Variants in CLCNKB observed in about 807,000 individuals in gnomAD.
CLCNKB encodes the protein chloride channel protein ClC-Kb.
Under a neutral mutation model 83.8 loss-of-function variants are expected in CLCNKB, and 74 were observed. That is an observed-to-expected ratio of 0.88 (90% confidence interval 0.73 to 1.07). The LOEUF is 1.07. Among genes scored for constraint, CLCNKB ranks in the 50% least tolerant of loss-of-function variants. The pLI, the probability that CLCNKB is intolerant of heterozygous loss-of-function variation, is 0.00. For synonymous variants in CLCNKB, 358 were observed against 356.6 expected (o/e 1.00, Z -0.04); for missense variants, 798 against 893.6 (o/e 0.89, Z 1.36).
At position 16,055,707 on chromosome 1, in the gene CLCNKB, C is replaced by T. The variant is rs1215637488; in HGVS notation, c.1878C>T (p.Cys626=). 1.2e-6 allele frequency: 2 copies of T among 1,613,732 alleles called. No homozygotes were observed. Among genetic ancestry groups the T allele is most frequent in the Non-Finnish European group, 1.7e-6 (2 of 1,180,022 alleles). Residue 626 remains cysteine, a synonymous_variant, in exon 18 of 20, where the codon TGC becomes TGT. Transcript: ENST00000375679. ...QCLQDILAAG[C]PTEPVTLKLS... Reference sequence around the variant, plus strand: ...TCCAGGACATCTTGGCTGCAGGCTGCCCCACAGAACCAGTGACCCTGAAGC... The same window carrying T: ...TCCAGGACATCTTGGCTGCAGGCTGTCCCACAGAACCAGTGACCCTGAAGC...
rs770999043 is a variant in CLCNKB at position 16,046,620 on chromosome 1, T to C, written c.315T>C (p.Ser105=). ...CTGTGTACCCTGTGGCCCTCGTCTCTTTCTCTTCAGGCTTCTCTCAGAGCA... is the reference window on the plus strand; with the variant it reads ...CTGTGTACCCTGTGGCCCTCGTCTCCTTCTCTTCAGGCTTCTCTCAGAGCA... ...SWTVYPVALV[S]FSSGFSQSIT... The change falls in exon 4 of 20, where the codon TCT becomes TCC. Residue 105 remains serine (S), a synonymous_variant. Coordinates refer to ENST00000375679, the MANE Select transcript of CLCNKB (RefSeq NM_000085.5). 13 of 1,614,168 alleles carry C rather than the reference T, an allele frequency of 8.1e-6. 1 individual carries two copies. The South Asian group carries it at 1.4e-4, about 18-fold the overall frequency.
At position 16,044,296 on chromosome 1, in the gene CLCNKB, C is replaced by G. The variant is rs9442225; in HGVS notation, c.-7-190C>G. Among the ~76,000 whole-genome samples, 23,206 of 151,836 alleles carry G rather than the reference C, an allele frequency of 0.15. 1,969 individuals are homozygous for G. The highest frequency in any genetic ancestry group is 0.28 in the East Asian group (1,455 of 5,136). Reference sequence around the variant, plus strand: ...ACACAATGACACACACAGGCACACACCCTCAGTGACGGAAACTCAGGGATG... The same window carrying G: ...ACACAATGACACACACAGGCACACAGCCTCAGTGACGGAAACTCAGGGATG... On this transcript the variant is annotated intron_variant, in intron 1 of 19. Coordinates refer to ENST00000375679, the MANE Select transcript of CLCNKB (RefSeq NM_000085.5).
At chr1:16,048,942 G>A in intron 7 of CLCNKB, 178 bp from the exon 8 acceptor site, 1 of 1,486,804 alleles carries the variant, frequency 6.7e-7, no homozygotes, top group Non-Finnish European at 8.9e-7. Flanking sequence ...ACGGGTCTCT[G>A]GGCAGCGGGC....
chr1:16,049,875 C>G lies in CLCNKB; in HGVS notation c.927C>G (p.Phe309Leu). ...YLFCQRIFFG[F>L]IRNNRFSSKL... Reference sequence around the variant, plus strand: ...TCTGTCAGCGAATCTTCTTTGGCTTCATCAGGAACAATAGGTTCAGCTCCA... The same window carrying G: ...TCTGTCAGCGAATCTTCTTTGGCTTGATCAGGAACAATAGGTTCAGCTCCA... Residue 309 changes from phenylalanine (F) to leucine (L), a missense_variant, in exon 10 of 20, where the codon TTC (phenylalanine) becomes TTG (leucine). By Grantham distance (22) the Phe-to-Leu change is conservative. Coordinates refer to ENST00000375679, the MANE Select transcript of CLCNKB (RefSeq NM_000085.5). 6.2e-7 allele frequency: 1 copy of G among 1,613,936 alleles called. No individual in the cohort carries two copies. Among genetic ancestry groups the G allele is most frequent in the Non-Finnish European group, 8.5e-7 (1 of 1,179,926 alleles).
At chr1:16,049,054 G>A in intron 7 of CLCNKB, 66 bp from the exon 8 acceptor site, 1 of 1,612,956 alleles carries the variant, frequency 6.2e-7, no homozygotes, top group South Asian at 1.1e-5. Context: ...GTGACATGGG[G>A]AGGGGGTCCT....
chr1:16,046,109 G>A (rs1366996472), intron 3 of CLCNKB, among the ~76,000 whole-genome samples: 2 of 152,232 alleles, frequency 1.3e-5, no homozygotes, highest in Non-Finnish European at 2.9e-5. Flanking sequence ...GTGTGGGCAG[G>A]AAGGGTCTAA....
chr1:16,046,064 C>T (rs1423885178), intron 3 of CLCNKB, among the ~76,000 whole-genome samples: 2 of 152,246 alleles, frequency 1.3e-5, no homozygotes, highest in East Asian at 3.8e-4. Context: ...CCCTCAGCAG[C>T]CTGCCTCCAC....
At chr1:16,055,807 G>A (rs751465324) in intron 18 of CLCNKB, 49 bp downstream of exon 18, 9 of 1,562,588 alleles carry the variant, frequency 5.8e-6, no homozygotes, top group South Asian at 3.3e-5. Flanking sequence ...CTGGGTGGGG[G>A]AAGAGCTGAT....
chr1:16,053,194 A>G (rs141466019), intron 15 of CLCNKB, among the ~76,000 whole-genome samples: 1 of 152,136 alleles, frequency 6.6e-6, no homozygotes, highest in Non-Finnish European at 1.5e-5. Flanking sequence ...TGCCCAGATT[A>G]TTTTTGTAAT....
intron 12 of CLCNKB, 119 bp from the exon 13 acceptor site, chr1:16,051,359 G>C (rs1570339040): frequency 7.6e-7 from 1 of 1,312,182 alleles, no homozygotes; most frequent in African/African-American, 1.5e-5. Context: ...CTGGCAGTGG[G>C]TGCATGGCCG....
At chr1:16,045,044 A>G (rs1460871969) in intron 2 of CLCNKB, among the ~76,000 whole-genome samples, 1 of 152,296 alleles carries the variant, frequency 6.6e-6, no homozygotes, top group South Asian at 2.1e-4. Context: ...CCACAGAAGG[A>G]GGCTGACTGC....
chr1:16,049,739 G>A (rs35841111), intron 9 of CLCNKB, 37 bp downstream of exon 9: 5 of 1,498,458 alleles, frequency 3.3e-6, no homozygotes, highest in African/African-American at 3.3e-5. Context: ...AGTCCAAAAG[G>A]CATTCCCCCC....
At chr1:16,054,271 C>T (rs1242979767) in intron 16 of CLCNKB, among the ~76,000 whole-genome samples, 3 of 152,288 alleles carry the variant, frequency 2.0e-5, no homozygotes, top group South Asian at 2.1e-4. Context: ...GAAGATAAGG[C>T]GGGGTTGGGG....
At position 16,048,415 on chromosome 1, in the gene CLCNKB, C is replaced by A; in HGVS notation, c.571C>A (p.Pro191Thr). ...TGTGCGCACCACGACCATCGGGGAG[C>A]CTGAGGTTAGGGACTCGGGGGCTTC... Reference protein sequence around the residue: ...GRVRTTTIGEPENKSKQNEML... With the variant: ...GRVRTTTIGETENKSKQNEML... Residue 191 changes from proline to threonine, a missense_variant, in exon 6 of 20, where the codon CCT becomes ACT. Transcript: ENST00000375679. 6.2e-7 allele frequency: 1 copy of A among 1,613,970 alleles called. No homozygotes were observed. The highest frequency in any genetic ancestry group is 1.1e-5 in the South Asian group (1 of 91,078).
At chr1:16,049,079 G>GT in intron 7 of CLCNKB, 41 bp from the exon 8 acceptor site, 1 of 1,613,440 alleles carries the variant, frequency 6.2e-7, no homozygotes, top group Non-Finnish European at 8.5e-7. Flanking sequence ...TCACAGGTGG[G>GT]TGGGGGTGGA....
At position 16,056,459 on chromosome 1, in the gene CLCNKB, T is replaced by C. The variant is rs1161043470; in HGVS notation, c.1967T>C (p.Leu656Pro). The C allele has an allele frequency of 6.2e-7, 1 of 1,613,908 alleles. No homozygotes were observed. Among genetic ancestry groups the C allele is most frequent in the East Asian group, 2.2e-5 (1 of 44,880 alleles). Reference sequence around the variant, plus strand: ...TTTGAGCTGTTGAACCTTCATTCCCTCTTTGTGACGTCGCGGGGCAGAGCT... The same window carrying C: ...TTTGAGCTGTTGAACCTTCATTCCCCCTTTGTGACGTCGCGGGGCAGAGCT... ...NLFELLNLHS[L>P]FVTSRGRAVG... Residue 656 changes from leucine (L) to proline (P), a missense_variant, in exon 19 of 20, where the codon CTC becomes CCC. Physicochemically the swap from Leu to Pro is moderately conservative, Grantham distance 98. Coordinates refer to ENST00000375679, the MANE Select transcript of CLCNKB (RefSeq NM_000085.5).
chr1:16,053,861 C>T (rs1197994889), intron 16 of CLCNKB, 89 bp downstream of exon 16: 2 of 1,539,452 alleles, frequency 1.3e-6, no homozygotes, highest in Non-Finnish European at 1.8e-6. Flanking sequence ...GATCTGCATC[C>T]AGGCTCTGTG....
chr1:16,045,788 T>A lies in CLCNKB; in HGVS notation c.229+102T>A, dbSNP rs6604911. On this transcript the variant is annotated intron_variant, in intron 3 of 19. Coordinates refer to ENST00000375679, the MANE Select transcript of CLCNKB (RefSeq NM_000085.5). ...CAGGTGCAGCGGAGGTTGGGGGGGG[T>A]GCTCTGGGTGGGGATCTGGTCCTGG... 1.4e-4 allele frequency: 64 copies of A among 442,078 alleles called. 6 individuals are homozygous for A. The highest frequency in any genetic ancestry group is 7.2e-4 in the African/African-American group (29 of 40,406). The allele number at this position is 442,078 out of a possible 1,614,324, so 27.4% of individuals were successfully genotyped here.
At chr1:16,052,771 T>A (rs1293893931) in intron 15 of CLCNKB, among the ~76,000 whole-genome samples, 3 of 152,110 alleles carry the variant, frequency 2.0e-5, no homozygotes, top group Non-Finnish European at 4.4e-5. Flanking sequence ...ACTCCTGCTG[T>A]CCTTGCTGGG....
Sources: allele counts gnomAD v4.1 joint callset (sites outside exome capture counted in the v4.1 genomes callset), GRCh38; gene constraint gnomAD v4.1.1; transcripts MANE v1.5; gene names NCBI Gene and HGNC (gene_info 2026-07-23, HGNC 2026-07-21).